The following SLCO4A1 variants were observed in gnomAD, a reference collection of about 807,000 sequenced individuals.
SLCO4A1 encodes the protein solute carrier organic anion transporter family member 4A1.
In SLCO4A1, 51 loss-of-function variants were observed where a neutral mutation model predicts 64.6. That is an observed-to-expected ratio of 0.79 (90% CI 0.63 to 1.00). SLCO4A1 has a LOEUF of 1.00. Ranked by LOEUF, SLCO4A1 falls within the 50% of genes least tolerant of loss-of-function variation. SLCO4A1 has a pLI of 0.00. For synonymous variants in SLCO4A1, 471 were observed against 444.9 expected, an observed-to-expected ratio of 1.06 and a Z score of -0.74; for missense variants, 919 against 980.5, an observed-to-expected ratio of 0.94 and a Z score of 0.84.
In SLCO4A1 at chr20:62,671,779, C is replaced by T. The variant is rs753756396; in HGVS notation, c.2055C>T (p.Ala685=). The T allele has an allele frequency of 1.2e-6, 2 of 1,613,738 alleles. No individual in the cohort carries two copies. Among genetic ancestry groups the T allele is most frequent in the Admixed American group, 1.7e-5 (1 of 60,036 alleles). ...TGGGCGTCCTCTTCTTTGCCATAGC[C>T]TGCTTCTTATACAAGCCCCTGTCGG... ...KVLGVLFFAI[A]CFLYKPLSES... is the part of the protein sequence containing the mutation. The change falls in exon 12 of 12, where the codon GCC becomes GCT. Residue 685 remains alanine (A), a synonymous_variant. Transcript: ENST00000217159.
At chr20:62,667,961 G>T in intron 8 of SLCO4A1, 51 bp downstream of exon 8, 4 of 1,614,040 alleles carry the variant, frequency 2.5e-6, no homozygotes, top group Non-Finnish European at 3.4e-6. Flanking sequence ...ACCCTGGGAA[G>T]GGGCCCCCGT....
At position 62,667,736 on chromosome 20, in the gene SLCO4A1, C is replaced by T. The variant is rs112985668; in HGVS notation, c.1473-9C>T. 2,591 of 1,604,228 alleles carry T rather than the reference C, an allele frequency of 1.6e-3. 29 individuals carry two copies. The African/African-American group carries it at 0.023, about 14-fold the overall frequency. ...TGGACCCTACCACTCGCTTGTCCCC[C>T]CTCTGCAGCCTCCTGCCCGAAGGCC... On this transcript the variant is annotated splice_polypyrimidine_tract_variant and intron_variant, in intron 7 of 11. Coordinates refer to ENST00000217159, the MANE Select transcript of SLCO4A1 (RefSeq NM_016354.4).
intron 1 of SLCO4A1, among the ~76,000 whole-genome samples, chr20:62,654,413 C>G (rs923863076): frequency 2.5e-4 from 38 of 151,612 alleles, no homozygotes; most frequent in African/African-American, 9.2e-4. Flanking sequence ...CCAGCCCCAG[C>G]GCAGGCCCAG....
In SLCO4A1 at chr20:62,660,454, G is replaced by A. The variant is rs1984559797; in HGVS notation, c.930G>A (p.Trp310Ter). 1.9e-6 allele frequency: 3 copies of A among 1,601,696 alleles called. No individual in the cohort carries two copies. The highest frequency in any genetic ancestry group is 2.5e-6 in the Non-Finnish European group (3 of 1,179,894). ...TTESPLWVGAWWVGFLGSGAA... is the reference protein window; with the variant it reads ...TTESPLWVGA ...AGAGCCCACTGTGGGTCGGCGCCTG[G>A]TGGGTCGGCTTCCTGGGCTCTGGGG... is the stretch of plus-strand genomic sequence containing the variant. The change falls in exon 4 of 12, where the codon TGG becomes TGA. Residue 310 changes from tryptophan to a stop codon, truncating the protein, a stop_gained. Transcript: ENST00000217159. LOFTEE classifies it high-confidence loss of function.
intron 2 of SLCO4A1, among the ~76,000 whole-genome samples, chr20:62,683,677 G>A (rs1044206633): frequency 7.9e-5 from 12 of 152,338 alleles, no homozygotes; most frequent in African/African-American, 2.9e-4. Context: ...CACACAGTGT[G>A]GGTTTGTAGC....
intron 11 of SLCO4A1, among the ~76,000 whole-genome samples, chr20:62,671,279 CG>C (rs1987175256): frequency 6.6e-6 from 1 of 152,086 alleles, no homozygotes; most frequent in Non-Finnish European, 1.5e-5. Context: ...GGGGGCAGGG[CG>C]GGCTCCTTCC....
At chr20:62,660,685 G>C (rs1419097744) in intron 4 of SLCO4A1, 152 bp downstream of exon 4, 3 of 1,010,516 alleles carry the variant, frequency 3.0e-6, no homozygotes, top group Non-Finnish European at 3.0e-6. Flanking sequence ...CATCTGGGTG[G>C]AGAGACGCCT....
rs554740382 is a variant in SLCO4A1 at position 62,646,999 on chromosome 20, T to A, written c.-97+4446T>A. ...GCTGGCCCTGCTGCCGCACCCTGGC[T>A]CCCTCTTGCTCAGACAATCCTTCAT... is the stretch of plus-strand genomic sequence containing the variant. On this transcript the variant is annotated intron_variant, in intron 1 of 11. Transcript: ENST00000217159. 1.9e-4 allele frequency among the ~76,000 whole-genome samples: 29 copies of A among 152,354 alleles called. 1 individual carries two copies. In the South Asian group the frequency reaches 5.8e-3, roughly 30 times the overall value.
chr20:62,662,425 C>T (rs573856177), intron 5 of SLCO4A1, among the ~76,000 whole-genome samples: 3 of 152,242 alleles, frequency 2.0e-5, no homozygotes, highest in Admixed American at 6.5e-5. Flanking sequence ...TGGCTGTGAG[C>T]CCCCAGTGTG....
chr20:62,686,648 G>A (rs140385168), downstream of SLCO4A1, among the ~76,000 whole-genome samples: 79 of 152,340 alleles, frequency 5.2e-4, no homozygotes, highest in East Asian at 0.014. Flanking sequence ...TTATTATAAG[G>A]TGAAAAGAAA....
intron 5 of SLCO4A1, among the ~76,000 whole-genome samples, chr20:62,664,644 G>A (rs778446544): frequency 1.3e-5 from 2 of 152,198 alleles, no homozygotes; most frequent in Non-Finnish European, 2.9e-5. Flanking sequence ...CATAGGCTCA[G>A]CCTGGCGCCC....
chr20:62,671,928 T>TCC lies in SLCO4A1; in HGVS notation c.*36_*37insCC, dbSNP rs745749961. On this transcript the variant is annotated 3_prime_UTR_variant, in exon 12 of 12. Coordinates refer to ENST00000217159, the MANE Select transcript of SLCO4A1 (RefSeq NM_016354.4). Reference sequence around the variant, plus strand: ...GCGCCCACCCGGCCACGGCGGGCACTCAGCATTTCCTGATGACAGAACAGT... The same window carrying TCC: ...GCGCCCACCCGGCCACGGCGGGCACTCCCAGCATTTCCTGATGACAGAACAGT... The TCC allele has an allele frequency of 3.7e-6, 6 of 1,605,216 alleles. No homozygotes were observed. Among genetic ancestry groups the TCC allele is most frequent in the Non-Finnish European group, 5.1e-6 (6 of 1,179,970 alleles).
rs1465161401 is a variant in SLCO4A1, at chr20:62,644,886, AG to A, written c.-97+2335del. ...CAACGTGCAGCCTGGTGCTGGGGGC[AG>A]GAGGGAGCAGGGCCCTTGGAGCTCT... On this transcript the variant is annotated intron_variant, in intron 1 of 11. Transcript: ENST00000217159. The surrounding 1 kb of genome is among the most constrained non-coding windows in gnomAD (Gnocchi z 5.4). 2.6e-5 allele frequency among the ~76,000 whole-genome samples: 4 copies of A among 152,234 alleles called. No individual in the cohort carries two copies. Among genetic ancestry groups the A allele is most frequent in the Admixed American group, 6.5e-5 (1 of 15,286 alleles).
chr20:62,672,162 G>C lies in SLCO4A1; in HGVS notation c.*269G>C. 4 of 1,352,234 alleles carry C rather than the reference G, an allele frequency of 3.0e-6. No individual in the cohort carries two copies. The highest frequency in any genetic ancestry group is 3.8e-6 in the Non-Finnish European group (4 of 1,046,258). 83.8% of individuals were successfully genotyped at this position (1,352,234 alleles called of 1,614,324 possible). A position where few individuals can be genotyped will look rare whatever the true frequency, so the allele number is the denominator to read the frequency against. On this transcript the variant is annotated 3_prime_UTR_variant, in exon 12 of 12. Coordinates refer to ENST00000217159, the MANE Select transcript of SLCO4A1 (RefSeq NM_016354.4). ...TGTGTTTTATACCCGATCGTGTGTG[G>C]TGTGCGTGAGGACAAACTCCGCAGG...
At position 62,656,903 on chromosome 20, in the gene SLCO4A1, A is replaced by T; in HGVS notation, c.449A>T (p.Asp150Val). ...AGCGGGCTCATCGCCAGCTCCTACG[A>T]CATTGCCGCCTGCCTCTGCCTCACC... The part of the protein sequence containing the change: ...YQSGLIASSY[D>V]IAACLCLTFV... Residue 150 changes from aspartate (D) to valine (V), a missense_variant, in exon 2 of 12, where the codon GAC (aspartate) becomes GTC (valine). Transcript: ENST00000217159. 1 of 1,571,834 alleles carries T rather than the reference A, an allele frequency of 6.4e-7. No individual in the cohort carries two copies. Among genetic ancestry groups the T allele is most frequent in the Non-Finnish European group, 8.7e-7 (1 of 1,153,104 alleles).
chr20:62,689,398 C>T (rs1257365606), downstream of SLCO4A1, among the ~76,000 whole-genome samples: 1 of 152,212 alleles, frequency 6.6e-6, no homozygotes, highest in African/African-American at 2.4e-5. Context: ...CACCGGTGCT[C>T]GTGCAGAAGC....
At chr20:62,651,572 TAATAGGTA>T in intron 1 of SLCO4A1, 1 of 152,384 alleles carries the variant, frequency 6.6e-6, no homozygotes. Context: ...TAAATGTGCA[TAATAGGTA>T]ACTTTCGGCT....
At chr20:62,677,609 A>G in intron 2 of SLCO4A1, among the ~76,000 whole-genome samples, 1 of 152,130 alleles carries the variant, frequency 6.6e-6, no homozygotes, top group East Asian at 1.9e-4. Context: ...AGAGACCTGC[A>G]CTCCAACCCC....
At chr20:62,676,029 T>G (rs561171093), downstream of SLCO4A1, among the ~76,000 whole-genome samples, 13 of 152,304 alleles carry the variant, frequency 8.5e-5, no homozygotes, top group South Asian at 2.7e-3. Context: ...GCACTAAATG[T>G]TCTTCAAGAG....
Sources: allele counts gnomAD v4.1 joint callset (sites outside exome capture counted in the v4.1 genomes callset), GRCh38; gene constraint gnomAD v4.1.1; non-coding constraint Gnocchi (gnomAD v3.1); transcripts MANE v1.5; gene names NCBI Gene and HGNC (gene_info 2026-07-23, HGNC 2026-07-21).